Variants in SPIRE1 observed in about 807,000 individuals in gnomAD.
SPIRE1 encodes protein spire homolog 1.
Under a neutral mutation model 94.1 loss-of-function variants are expected in SPIRE1, and 40 were observed. That is an observed-to-expected ratio of 0.43 (90% CI 0.33 to 0.55). SPIRE1 has a LOEUF of 0.55. SPIRE1 is among the 20% of genes least tolerant of loss of function. The pLI is 0.06. For missense variants in SPIRE1, 838 were observed against 975.2 expected (o/e 0.86, Z 1.87); for synonymous variants, 376 against 371.7 (o/e 1.01, Z -0.13).
Position 12,546,899 on chromosome 18 carries a change from A to T in SPIRE1, c.378T>A (p.Ile126=), listed in dbSNP as rs1269742892. The change falls in exon 3 of 17, where the codon ATT becomes ATA. Residue 126 remains isoleucine (I), a synonymous_variant. Coordinates refer to ENST00000409402, the MANE Select transcript of SPIRE1 (RefSeq NM_001128626.2). ...TATAAATAATAATTCCCAAAGATTC[A>T]ATGACCTAGGAACATTTAAAAAAGT... The part of the protein sequence containing the change: ...GYSQCMETEV[I]ESLGIIIYKA... The T allele has an allele frequency of 6.2e-7, 1 of 1,609,850 alleles. No individual in the cohort carries two copies. The highest frequency in any genetic ancestry group is 8.5e-7 in the Non-Finnish European group (1 of 1,176,806).
chr18:12,541,813 T>C (rs375609012), intron 3 of SPIRE1, among the ~76,000 whole-genome samples: 3 of 151,890 alleles, frequency 2.0e-5, no homozygotes. Context: ...AGAAATACAG[T>C]GTGAGCCATG....
At chr18:12,592,667 T>C (rs1397298268) in intron 2 of SPIRE1, among the ~76,000 whole-genome samples, 1 of 152,218 alleles carries the variant, frequency 6.6e-6, no homozygotes, top group Admixed American at 6.5e-5. Context: ...TCTATCTTAA[T>C]ATAACTGATT....
intron 2 of SPIRE1, among the ~76,000 whole-genome samples, chr18:12,586,107 C>T (rs531592055): frequency 4.4e-4 from 67 of 152,278 alleles, no homozygotes; most frequent in African/African-American, 1.5e-3. Flanking sequence ...TGTGCCATCA[C>T]GCCCTGCTAA....
intron 2 of SPIRE1, among the ~76,000 whole-genome samples, chr18:12,563,726 AACTGTT>A (rs2035748117): frequency 6.6e-6 from 1 of 152,154 alleles, no homozygotes; most frequent in Non-Finnish European, 1.5e-5. Context: ...AAAACCCCAA[AACTGTT>A]ACCACTCAAA....
In SPIRE1 at chr18:12,493,085, T is replaced by G. The variant is rs1277182058; in HGVS notation, c.1176A>C (p.Arg392Ser). The G allele has an allele frequency of 6.2e-7, 1 of 1,612,368 alleles. No individual in the cohort carries two copies. The highest frequency in any genetic ancestry group is 8.5e-7 in the Non-Finnish European group (1 of 1,179,714). ...CAGTGGACTCACCTAATCTGCTACGTCTAATCTCCTCTGGTGATACAGGCC... is the reference window on the plus strand; with the variant it reads ...CAGTGGACTCACCTAATCTGCTACGGCTAATCTCCTCTGGTGATACAGGCC... ...KLRPVSPEEI[R>S]RSRLAMRPLS... Residue 392 changes from arginine (R) to serine (S), a missense_variant, in exon 8 of 17, where the codon AGA becomes AGC. Arg to Ser is a moderately radical substitution (Grantham distance 110). This residue lies in a region of SPIRE1 where 645 missense variants were observed against 804.7 expected (regional missense o/e 0.80). Coordinates refer to ENST00000409402, the MANE Select transcript of SPIRE1 (RefSeq NM_001128626.2).
Position 12,449,300 on chromosome 18 carries a change from G to A in SPIRE1, c.*338C>T. 3.5e-6 allele frequency: 1 copy of A among 287,250 alleles called. No individual in the cohort carries two copies. Among genetic ancestry groups the A allele is most frequent in the Non-Finnish European group, 6.6e-6 (1 of 151,242 alleles). 17.8% of individuals were successfully genotyped at this position (287,250 alleles called of 1,614,324 possible). A position where few individuals can be genotyped will look rare whatever the true frequency, so the allele number is the denominator to read the frequency against. On this transcript the variant is annotated 3_prime_UTR_variant, in exon 17 of 17. Coordinates refer to ENST00000409402, the MANE Select transcript of SPIRE1 (RefSeq NM_001128626.2). ...TGTTAGACTGATTCTCGTAGGAGAA[G>A]CTTTTTTTTTTTGCCTTAGTCAGGA...
chr18:12,538,851 A>G (rs909257580), intron 3 of SPIRE1, among the ~76,000 whole-genome samples: 2 of 152,086 alleles, frequency 1.3e-5, no homozygotes, highest in African/African-American at 4.8e-5. Flanking sequence ...CATACCACTC[A>G]TATCCAATCC....
chr18:12,594,024 G>T (rs1192086344), intron 2 of SPIRE1, among the ~76,000 whole-genome samples: 1 of 152,094 alleles, frequency 6.6e-6, no homozygotes, highest in Non-Finnish European at 1.5e-5. Flanking sequence ...CTAGGAATTA[G>T]TATAAAATGC....
At chr18:12,543,183 C>T (rs893291950) in intron 3 of SPIRE1, among the ~76,000 whole-genome samples, 7 of 152,208 alleles carry the variant, frequency 4.6e-5, no homozygotes, top group African/African-American at 1.7e-4. Flanking sequence ...TTCTACCAGA[C>T]ATGGACTGCC....
chr18:12,528,261 C>A (rs188778403), intron 4 of SPIRE1, among the ~76,000 whole-genome samples: 2 of 152,216 alleles, frequency 1.3e-5, no homozygotes, highest in East Asian at 3.9e-4. Flanking sequence ...ATGGTCCTTG[C>A]CCTTAAGAAG....
intron 6 of SPIRE1, among the ~76,000 whole-genome samples, chr18:12,505,565 A>AC (rs1399706713): frequency 2.0e-5 from 3 of 151,726 alleles, no homozygotes; most frequent in Non-Finnish European, 4.4e-5. Flanking sequence ...AAAAAAAAAA[A>AC]AACAAAAAAA....
intron 1 of SPIRE1, among the ~76,000 whole-genome samples, chr18:12,644,678 A>G (rs1255200484): frequency 6.6e-6 from 1 of 152,224 alleles, no homozygotes; most frequent in East Asian, 1.9e-4. Flanking sequence ...TCACATGGAC[A>G]CCCACATTTC....
chr18:12,475,015 A>C (rs1447142577), intron 10 of SPIRE1, among the ~76,000 whole-genome samples: 1 of 152,102 alleles, frequency 6.6e-6, no homozygotes, highest in African/African-American at 2.4e-5. Flanking sequence ...TCATGGTGCA[A>C]CGTCAGCCAG....
intron 2 of SPIRE1, among the ~76,000 whole-genome samples, chr18:12,569,508 G>A (rs1443009392): frequency 1.3e-5 from 2 of 152,012 alleles, no homozygotes; most frequent in South Asian, 2.1e-4. Flanking sequence ...GAGACAAGGG[G>A]GGCTACCAGA....
chr18:12,648,660 C>T (rs2038291030), intron 1 of SPIRE1, among the ~76,000 whole-genome samples: 2 of 151,954 alleles, frequency 1.3e-5, no homozygotes, highest in Non-Finnish European at 1.5e-5. Flanking sequence ...GAGGCCGAGG[C>T]GGACAGATCA....
At chr18:12,456,606 A>G (rs2031519223) in intron 12 of SPIRE1, among the ~76,000 whole-genome samples, 1 of 152,210 alleles carries the variant, frequency 6.6e-6, no homozygotes, top group Non-Finnish European at 1.5e-5. Context: ...TGTGCTAGCA[A>G]GACAGCAGAT....
At chr18:12,566,038 A>C (rs999296743) in intron 2 of SPIRE1, among the ~76,000 whole-genome samples, 4 of 148,966 alleles carry the variant, frequency 2.7e-5, no homozygotes, top group Admixed American at 1.3e-4. Context: ...AAACAAACAA[A>C]AAAAAAAATT....
chr18:12,461,671 A>G (rs1299794904), intron 12 of SPIRE1, among the ~76,000 whole-genome samples: 1 of 151,934 alleles, frequency 6.6e-6, no homozygotes, highest in Non-Finnish European at 1.5e-5. Flanking sequence ...TGTGTCATCT[A>G]CGCTGGGGTG....
At chr18:12,482,244 G>A (rs2032869398) in intron 9 of SPIRE1, among the ~76,000 whole-genome samples, 1 of 152,152 alleles carries the variant, frequency 6.6e-6, no homozygotes, top group African/African-American at 2.4e-5. Context: ...CTGGGTTCAA[G>A]CGATTCTCCT....
Sources: allele counts gnomAD v4.1 joint callset (sites outside exome capture counted in the v4.1 genomes callset), GRCh38; gene constraint gnomAD v4.1.1; regional missense constraint gnomAD v4.1.1; transcripts MANE v1.5; gene names NCBI Gene and HGNC (gene_info 2026-07-23, HGNC 2026-07-21).